DOCK1: variants seen among roughly 807,000 people sequenced by gnomAD.
DOCK1 encodes dedicator of cytokinesis protein 1.
In DOCK1, 138 loss-of-function variants were observed where a neutral mutation model predicts 262.7. The ratio of observed to expected loss-of-function variants is 0.53; its 90% CI spans 0.46 to 0.61. The LOEUF is 0.61. Among genes scored for constraint, DOCK1 ranks in the 20% least tolerant of loss-of-function variants. The pLI, the probability that DOCK1 is intolerant of heterozygous loss-of-function variation, is 0.00. For synonymous variants in DOCK1, 866 were observed against 867.4 expected, an observed-to-expected ratio of 1.00 and a Z score of 0.03; for missense variants, 1,908 against 2,370.7, an observed-to-expected ratio of 0.80 and a Z score of 4.05.
chr10:127,011,805 G>T (rs11017915), intron 11 of DOCK1, among the ~76,000 whole-genome samples: 4,297 of 151,304 alleles, frequency 0.028, 129 homozygotes, highest in East Asian at 0.087. Flanking sequence ...TTTAAATCTT[G>T]ATTTTGCTTT....
At chr10:127,013,347 C>T (rs1441217680) in intron 12 of DOCK1, 1 of 152,178 alleles carries the variant, frequency 6.6e-6, no homozygotes, top group East Asian at 1.9e-4. Context: ...TCCCAATTTA[C>T]ACTTTAATTG....
intron 29 of DOCK1, among the ~76,000 whole-genome samples, chr10:127,277,982 GATTT>G (rs1441871594): frequency 6.6e-6 from 1 of 152,096 alleles, no homozygotes; most frequent in Non-Finnish European, 1.5e-5. Context: ...TATAATAACA[GATTT>G]ATTTGGTATA....
At chr10:127,291,872 G>A (rs2061356672) in intron 29 of DOCK1, among the ~76,000 whole-genome samples, 2 of 152,190 alleles carry the variant, frequency 1.3e-5, no homozygotes, top group South Asian at 4.1e-4. Context: ...TGGGTTTGCG[G>A]TAGGAAGGCC....
intron 29 of DOCK1, among the ~76,000 whole-genome samples, chr10:127,335,252 C>T (rs932753304): frequency 1.3e-5 from 2 of 152,174 alleles, no homozygotes; most frequent in Non-Finnish European, 2.9e-5. Context: ...TACCTAAACC[C>T]AACTCCAGCA....
At position 127,446,253 on chromosome 10, in the gene DOCK1, CAAAAA is replaced by C. The variant is rs1335470652; in HGVS notation, c.5414-1140_5414-1136del. On this transcript the variant is annotated intron_variant, in intron 50 of 51. Transcript: ENST00000623213. This position sits in a 1 kb window ranked among gnomAD's most constrained non-coding sequence, Gnocchi z 4.4. ...CGACACAGCGAGACTCCATCCCAAA[CAAAAA>C]GAAAAGAAAAAAAAAAAGAAAGTAG... is the stretch of plus-strand genomic sequence containing the variant. Among the ~76,000 whole-genome samples, 1 of 133,136 alleles carries C rather than the reference CAAAAA, an allele frequency of 7.5e-6. No individual in the cohort carries two copies. Among genetic ancestry groups the C allele is most frequent in the African/African-American group, 2.7e-5 (1 of 36,686 alleles). The allele number at this position is 133,136 out of a possible 152,430, so 87.3% of individuals were successfully genotyped here. A position where few individuals can be genotyped will look rare whatever the true frequency, so the allele number is the denominator to read the frequency against.
intron 1 of DOCK1, among the ~76,000 whole-genome samples, chr10:126,917,514 C>A (rs1016393072): frequency 6.6e-6 from 1 of 152,188 alleles, no homozygotes; most frequent in African/African-American, 2.4e-5. Flanking sequence ...TCCTGTCCAG[C>A]TGGGTGCCTG....
Position 127,059,194 on chromosome 10 carries a change from G to A in DOCK1, c.2337-2474G>A, listed in dbSNP as rs186010625. Among the ~76,000 whole-genome samples, 9 of 151,992 alleles carry A rather than the reference G, an allele frequency of 5.9e-5. No homozygotes were observed. The East Asian group carries it at 1.7e-3, about 29-fold the overall frequency. On this transcript the variant is annotated intron_variant, in intron 22 of 51. Transcript: ENST00000623213. Reference sequence around the variant, plus strand: ...CTTTCAGACTTACTGTTACATCTTTGAATTTAAATGGTATTATTTTCTTTC... The same window carrying A: ...CTTTCAGACTTACTGTTACATCTTTAAATTTAAATGGTATTATTTTCTTTC...
At chr10:126,938,041 G>C (rs1466566210) in intron 1 of DOCK1, among the ~76,000 whole-genome samples, 1 of 147,478 alleles carries the variant, frequency 6.8e-6, no homozygotes, top group African/African-American at 2.5e-5. Context: ...GAAGAGTCCA[G>C]CTTCATCTTT....
chr10:126,905,850 C>T (rs2030665107), intron 1 of DOCK1, among the ~76,000 whole-genome samples: 1 of 152,016 alleles, frequency 6.6e-6, no homozygotes, highest in South Asian at 2.1e-4. Flanking sequence ...CCGACGCCCG[C>T]TCCTCTGGAC....
At position 127,437,022 on chromosome 10, in the gene DOCK1, G is replaced by A. The variant is rs183771073; in HGVS notation, c.5061-2005G>A. 2.7e-3 allele frequency among the ~76,000 whole-genome samples: 411 copies of A among 152,188 alleles called. 2 individuals carry two copies. The highest frequency in any genetic ancestry group is 9.4e-3 in the African/African-American group (390 of 41,528). On this transcript the variant is annotated intron_variant, in intron 48 of 51. Coordinates refer to ENST00000623213, the MANE Select transcript of DOCK1 (RefSeq NM_001290223.2). The surrounding 1 kb of genome is among the most constrained non-coding windows in gnomAD (Gnocchi z 4.4). Reference sequence around the variant, plus strand: ...CCACCATCAGGACTCTGCTGATAGCGTGCCCTATCGCATTGTTTAATTCGC... The same window carrying A: ...CCACCATCAGGACTCTGCTGATAGCATGCCCTATCGCATTGTTTAATTCGC...
intron 4 of DOCK1, among the ~76,000 whole-genome samples, chr10:126,984,352 T>C (rs2039201079): frequency 6.6e-6 from 1 of 152,230 alleles, no homozygotes; most frequent in Admixed American, 6.5e-5. Flanking sequence ...TTGTATTGTG[T>C]ATTTTTATTT....
At chr10:127,095,819 T>A (rs2047875488) in intron 23 of DOCK1, among the ~76,000 whole-genome samples, 1 of 152,218 alleles carries the variant, frequency 6.6e-6, no homozygotes, top group Non-Finnish European at 1.5e-5. Context: ...AAGGAAGGCA[T>A]AACAAATTGA....
At chr10:127,418,001 ATCT>A (rs202003587) in intron 44 of DOCK1, among the ~76,000 whole-genome samples, 8,015 of 151,988 alleles carry the variant, frequency 0.053, 275 homozygotes, top group Non-Finnish European at 0.071. Context: ...ATTCCCGAAC[ATCT>A]TCTCCCTCAG....
In DOCK1 at chr10:126,966,455, T is replaced by A. The variant is rs913177298; in HGVS notation, c.47-4247T>A. On this transcript the variant is annotated intron_variant, in intron 1 of 51. Coordinates refer to ENST00000623213, the MANE Select transcript of DOCK1 (RefSeq NM_001290223.2). The stretch of plus-strand genomic sequence containing the variant: ...CTGGGTCATGTGGTGGTTTTATTTG[T>A]AGTTTTTTTAAGGAACCTTCATATT... 3.6e-3 allele frequency among the ~76,000 whole-genome samples: 546 copies of A among 152,318 alleles called. 3 individuals are homozygous for A. The highest frequency in any genetic ancestry group is 0.012 in the African/African-American group (500 of 41,572).
At chr10:127,057,770 G>C (rs1289894516) in intron 22 of DOCK1, among the ~76,000 whole-genome samples, 2 of 152,170 alleles carry the variant, frequency 1.3e-5, no homozygotes, top group African/African-American at 4.8e-5. Context: ...TAGAGTTTTT[G>C]CCTGTCATCT....
At chr10:127,074,420 C>T (rs2046400191) in intron 23 of DOCK1, among the ~76,000 whole-genome samples, 1 of 152,158 alleles carries the variant, frequency 6.6e-6, no homozygotes, top group East Asian at 1.9e-4. Context: ...GTGCATTACA[C>T]TGGCTTTATT....
At chr10:127,002,707 C>G (rs1266321737) in intron 10 of DOCK1, among the ~76,000 whole-genome samples, 2 of 152,186 alleles carry the variant, frequency 1.3e-5, no homozygotes, top group African/African-American at 2.4e-5. Flanking sequence ...GGCTGAGACA[C>G]TACATCTGGT....
chr10:127,006,695 C>T (rs2135243705), intron 10 of DOCK1, among the ~76,000 whole-genome samples: 1 of 152,294 alleles, frequency 6.6e-6, no homozygotes, highest in Non-Finnish European at 1.5e-5. Context: ...TGTGGGTGCT[C>T]AGGCTCTGAT....
chr10:127,225,376 G>A (rs1379617336), intron 27 of DOCK1, among the ~76,000 whole-genome samples: 1 of 152,258 alleles, frequency 6.6e-6, no homozygotes, highest in Non-Finnish European at 1.5e-5. Flanking sequence ...GAGGAGAGCA[G>A]GTAACCCATG....
Sources: allele counts gnomAD v4.1 joint callset (sites outside exome capture counted in the v4.1 genomes callset), GRCh38; gene constraint gnomAD v4.1.1; non-coding constraint Gnocchi (gnomAD v3.1); transcripts MANE v1.5; gene names NCBI Gene and HGNC (gene_info 2026-07-23, HGNC 2026-07-21).